Variants in PML observed in about 807,000 individuals in gnomAD.
The protein encoded by PML is PML nuclear body scaffold.
Under a neutral mutation model 65.2 loss-of-function variants are expected in PML, and 28 were observed. That is an observed-to-expected ratio of 0.43 (90% CI 0.32 to 0.59). The LOEUF (loss-of-function observed/expected upper bound fraction) is 0.59. Among genes scored for constraint, PML ranks in the 20% least tolerant of loss-of-function variants. The pLI, the probability that PML is intolerant of heterozygous loss-of-function variation, is 0.08. For synonymous variants in PML, 500 were observed against 508.8 expected (o/e 0.98, Z 0.23); for missense variants, 1,021 against 1,203.4 (o/e 0.85, Z 2.24).
At chr15:74,012,737 T>G (rs1389055678) in intron 2 of PML, among the ~76,000 whole-genome samples, 1 of 152,260 alleles carries the variant, frequency 6.6e-6, no homozygotes, top group Non-Finnish European at 1.5e-5. Context: ...GACTGTAAGG[T>G]TCACCACTGG....
intron 2 of PML, among the ~76,000 whole-genome samples, chr15:74,012,608 C>A (rs1013362613): frequency 2.1e-4 from 32 of 152,324 alleles, no homozygotes; most frequent in Admixed American, 1.9e-3. Flanking sequence ...CCATGCCCAG[C>A]CCCATATCGT....
intron 2 of PML, among the ~76,000 whole-genome samples, chr15:74,017,625 G>A (rs2070654147): frequency 6.6e-6 from 1 of 152,110 alleles, no homozygotes; most frequent in African/African-American, 2.4e-5. Context: ...CTCCAGCTTG[G>A]GTGACACAGT....
chr15:74,046,745 C>T lies in PML; in HGVS notation c.*1737C>T, dbSNP rs1412000039. 1 of 231,544 alleles carries T rather than the reference C, an allele frequency of 4.3e-6. No homozygotes were observed. The highest frequency in any genetic ancestry group is 2.2e-5 in the African/African-American group (1 of 45,226). 14.3% of individuals were successfully genotyped at this position (231,544 alleles called of 1,614,324 possible). On this transcript the variant is annotated 3_prime_UTR_variant, in exon 9 of 9. Transcript: ENST00000268058. ...TTCTGCCCTGCCTCCACTGTCACAG[C>T]CTTTAATAAAGATGTGAATCTTGAA...
In PML at chr15:74,047,516, G is replaced by A. The variant is rs1021220300; in HGVS notation, c.*2508G>A. 2.3e-5 allele frequency: 5 copies of A among 220,324 alleles called. No individual in the cohort carries two copies. Among genetic ancestry groups the A allele is most frequent in the East Asian group, 1.3e-4 (2 of 15,094 alleles). The allele number at this position is 220,324 out of a possible 1,614,324, so 13.6% of individuals were successfully genotyped here. A position where few individuals can be genotyped will look rare whatever the true frequency, so the allele number is the denominator to read the frequency against. ...TTTGGACTATATCTCAGGTGTTTAC[G>A]TGTCAACTAATGGGAGCTTACTGGG... On this transcript the variant is annotated 3_prime_UTR_variant, in exon 9 of 9. Transcript: ENST00000268058.
At chr15:74,009,876 G>C (rs951859687) in intron 2 of PML, among the ~76,000 whole-genome samples, 2 of 152,148 alleles carry the variant, frequency 1.3e-5, no homozygotes, top group African/African-American at 4.8e-5. Context: ...TTAAAGCAGC[G>C]CAAGCCAAGA....
In PML at chr15:74,016,889, C is replaced by T. The variant is rs920214332; in HGVS notation, c.603-5939C>T. ...TTGGCTCACTGCAAGCTCCGCCTCC[C>T]GGGTTCATGCCATTCTCCTGCCTCA... On this transcript the variant is annotated intron_variant, in intron 2 of 8. Transcript: ENST00000268058. 1.9e-4 allele frequency among the ~76,000 whole-genome samples: 27 copies of T among 145,614 alleles called. 1 individual carries two copies. Among genetic ancestry groups the T allele is most frequent in the African/African-American group, 4.5e-4 (18 of 39,634 alleles).
Position 74,037,076 on chromosome 15 carries a change from A to G in PML, c.1710+2546A>G. The G allele has an allele frequency of 3.0e-6, 3 of 985,412 alleles. No homozygotes were observed. The highest frequency in any genetic ancestry group is 3.6e-6 in the Non-Finnish European group (3 of 829,932). 61.0% of individuals were successfully genotyped at this position (985,412 alleles called of 1,614,324 possible). ...CTGCCACCTGGAGACCGAGATCTGC[A>G]GGAGAAAGGCCTGGGAAAACTATGA... is the stretch of plus-strand genomic sequence containing the variant. On this transcript the variant is annotated intron_variant, in intron 7 of 8. Transcript: ENST00000268058. This position sits in a 1 kb window ranked among gnomAD's most constrained non-coding sequence, Gnocchi z 4.2.
chr15:74,045,583 A>G lies in PML; in HGVS notation c.*575A>G, dbSNP rs926937666. ...TTCATCCCAGAGGGGCCTCATCAGC[A>G]AAGACAGAAACTGATGTTCCATGCA... On this transcript the variant is annotated 3_prime_UTR_variant, in exon 9 of 9. Transcript: ENST00000268058. 2.6e-5 allele frequency: 6 copies of G among 233,808 alleles called. No individual in the cohort carries two copies. In the Admixed American group the frequency reaches 3.4e-4, roughly 13 times the overall value. The allele number at this position is 233,808 out of a possible 1,614,324, so 14.5% of individuals were successfully genotyped here.
rs1274066750 is a variant in PML at position 74,045,349 on chromosome 15, C to T, written c.*341C>T. The T allele has an allele frequency of 5.5e-6, 2 of 362,412 alleles. No individual in the cohort carries two copies. Among genetic ancestry groups the T allele is most frequent in the Admixed American group, 4.4e-5 (1 of 22,882 alleles). 22.4% of individuals were successfully genotyped at this position (362,412 alleles called of 1,614,324 possible). On this transcript the variant is annotated 3_prime_UTR_variant, in exon 9 of 9. Transcript: ENST00000268058. ...CCCCATCCATCCCACCTGCCACTAC[C>T]TTGGGTGTCCTTACAGCTCTGCCCT...
intron 1 of PML, 132 bp from the exon 2 acceptor site, chr15:73,997,872 T>C: frequency 1.3e-6 from 1 of 789,324 alleles, no homozygotes; most frequent in East Asian, 2.6e-5. Context: ...AAGCCAGGGT[T>C]TTGCATCATC....
At position 74,035,945 on chromosome 15, in the gene PML, C is replaced by T. The variant is rs2071540973; in HGVS notation, c.1710+1415C>T. 1 of 1,614,102 alleles carries T rather than the reference C, an allele frequency of 6.2e-7. No individual in the cohort carries two copies. The highest frequency in any genetic ancestry group is 8.5e-7 in the Non-Finnish European group (1 of 1,180,040). On this transcript the variant is annotated intron_variant, in intron 7 of 8. Coordinates refer to ENST00000268058, the MANE Select transcript of PML (RefSeq NM_033238.3). This position sits in a 1 kb window ranked among gnomAD's most constrained non-coding sequence, Gnocchi z 4.1. Reference sequence around the variant, plus strand: ...CAGTCCCAGGCGCCCGTCAAGCAGGCCTCTGAGAGTGCTACCCTTCTCTTG... The same window carrying T: ...CAGTCCCAGGCGCCCGTCAAGCAGGTCTCTGAGAGTGCTACCCTTCTCTTG...
At chr15:73,996,312 C>T (rs1321333066) in intron 1 of PML, among the ~76,000 whole-genome samples, 1 of 152,196 alleles carries the variant, frequency 6.6e-6, no homozygotes, top group African/African-American at 2.4e-5. Flanking sequence ...ATTAAATAGT[C>T]ATAAAATAGA....
rs2141900552 is a variant in PML, at chr15:74,047,544, A to G, written c.*2536A>G. The G allele has an allele frequency of 4.6e-6, 1 of 217,610 alleles. No individual in the cohort carries two copies. The highest frequency in any genetic ancestry group is 6.8e-5 in the East Asian group (1 of 14,762). The allele number at this position is 217,610 out of a possible 1,614,324, so 13.5% of individuals were successfully genotyped here. On this transcript the variant is annotated 3_prime_UTR_variant, in exon 9 of 9. Transcript: ENST00000268058. Reference sequence around the variant, plus strand: ...TCAACTAATGGGAGCTTACTGGGTTAGAAGTCAGGACACTGAGTTTCAATC... The same window carrying G: ...TCAACTAATGGGAGCTTACTGGGTTGGAAGTCAGGACACTGAGTTTCAATC...
chr15:74,021,416 G>A (rs375952383), intron 2 of PML, among the ~76,000 whole-genome samples: 73 of 152,098 alleles, frequency 4.8e-4, no homozygotes, highest in African/African-American at 1.6e-3. Flanking sequence ...GAGAAACCTC[G>A]TCTCTACTAA....
At chr15:73,995,676 A>T (rs1340403333) in intron 1 of PML, among the ~76,000 whole-genome samples, 1 of 152,218 alleles carries the variant, frequency 6.6e-6, no homozygotes, top group Non-Finnish European at 1.5e-5. Context: ...GAGCACTTCA[A>T]ATGTGCCAGG....
At chr15:74,012,367 G>T (rs2070374563) in intron 2 of PML, among the ~76,000 whole-genome samples, 1 of 152,214 alleles carries the variant, frequency 6.6e-6, no homozygotes, top group Non-Finnish European at 1.5e-5. Context: ...GTAGAGACAG[G>T]GTTTCACCAT....
At position 73,998,093 on chromosome 15, in the gene PML, G is replaced by A. The variant is rs1178608988; in HGVS notation, c.219G>A (p.Leu73=). The change falls in exon 2 of 9, where the codon CTG becomes CTA. Residue 73 remains leucine (L), a synonymous_variant. Transcript: ENST00000268058. ...EAKCPKLLPC[L]HTLCSGCLEA... ...AGTGCCCGAAGCTGCTGCCTTGTCT[G>A]CACACGCTGTGCTCAGGATGCCTGG... 6.2e-7 allele frequency: 1 copy of A among 1,613,806 alleles called. No individual in the cohort carries two copies. Among genetic ancestry groups the A allele is most frequent in the Non-Finnish European group, 8.5e-7 (1 of 1,180,030 alleles).
intron 4 of PML, among the ~76,000 whole-genome samples, chr15:74,030,825 G>A (rs909762167): frequency 1.3e-5 from 2 of 151,816 alleles, no homozygotes; most frequent in African/African-American, 4.8e-5. Flanking sequence ...AATTTTTATG[G>A]CGATAAAATT....
intron 2 of PML, among the ~76,000 whole-genome samples, chr15:74,003,571 C>A (rs1332559178): frequency 6.6e-6 from 1 of 152,168 alleles, no homozygotes; most frequent in Non-Finnish European, 1.5e-5. Context: ...TATAGTTTTT[C>A]TTCTTCCCTC....
Sources: allele counts gnomAD v4.1 joint callset (sites outside exome capture counted in the v4.1 genomes callset), GRCh38; gene constraint gnomAD v4.1.1; non-coding constraint Gnocchi (gnomAD v3.1); transcripts MANE v1.5; gene names NCBI Gene and HGNC (gene_info 2026-07-23, HGNC 2026-07-21).